The following ADARB2 variants were observed in gnomAD, a reference collection of about 807,000 sequenced individuals.
The protein encoded by ADARB2 is inactive double-stranded RNA-specific editase B2.
A neutral mutation model predicts 62.2 loss-of-function variants in ADARB2; 25 were observed. That is an observed-to-expected ratio of 0.40 (90% confidence interval 0.29 to 0.56). ADARB2 has a LOEUF of 0.56. ADARB2 is among the 20% of genes least tolerant of loss of function. ADARB2 has a pLI of 0.43. For missense variants in ADARB2, 1,071 were observed against 1,077.4 expected, an observed-to-expected ratio of 0.99 and a Z score of 0.08; for synonymous variants, 572 against 500.8, an observed-to-expected ratio of 1.14 and a Z score of -1.90.
intron 7 of ADARB2, chr10:1,216,637 G>A: frequency 2.6e-6 from 1 of 386,780 alleles, no homozygotes. Context: ...CTGGCCGGCA[G>A]CCTCAGGCCA....
intron 1 of ADARB2, among the ~76,000 whole-genome samples, chr10:1,620,620 T>G (rs974557848): frequency 2.6e-5 from 4 of 152,254 alleles, no homozygotes; most frequent in Admixed American, 2.6e-4. Flanking sequence ...TCTCCATTCA[T>G]TCAGTTGTTC....
At position 1,513,571 on chromosome 10, in the gene ADARB2, G is replaced by C. The variant is rs372341606; in HGVS notation, c.101-134411C>G. On this transcript the variant is annotated intron_variant, in intron 1 of 9. Transcript: ENST00000381312. ...CTCATGATGGAGCGCGCTGGGAAGG[G>C]CTACTCTGGGGTGGAATTATCCAGA... 7.9e-5 allele frequency among the ~76,000 whole-genome samples: 12 copies of C among 152,328 alleles called. No homozygotes were observed. The South Asian group carries it at 2.5e-3, about 32-fold the overall frequency.
intron 4 of ADARB2, among the ~76,000 whole-genome samples, chr10:1,268,280 G>A (rs1831226688): frequency 6.6e-6 from 1 of 152,172 alleles, no homozygotes; most frequent in Non-Finnish European, 1.5e-5. Flanking sequence ...GTGAGGGGTG[G>A]AGTGGGAGAA....
intron 8 of ADARB2, among the ~76,000 whole-genome samples, chr10:1,187,571 C>T (rs566118544): frequency 6.6e-6 from 1 of 152,246 alleles, no homozygotes; most frequent in East Asian, 1.9e-4. Flanking sequence ...CGGCCTGTGC[C>T]CCTCTCCTTT....
intron 1 of ADARB2, among the ~76,000 whole-genome samples, chr10:1,686,570 CATGAGTAAGGA>C (rs1235418253): frequency 6.6e-6 from 1 of 152,280 alleles, no homozygotes; most frequent in Non-Finnish European, 1.5e-5. Context: ...TCCCTCGTCA[CATGAGTAAGGA>C]AACGTACGGG....
chr10:1,232,367 TGTGTGGTGTGTGTGGTATGC>T (rs1830813484), intron 6 of ADARB2, among the ~76,000 whole-genome samples: 2 of 152,060 alleles, frequency 1.3e-5, no homozygotes, highest in South Asian at 4.2e-4. Context: ...GTGTGGTCTG[TGTGTGGTGTGTGTGGTATGC>T]GTGGTATGCA....
chr10:1,605,294 G>T (rs928372654), intron 1 of ADARB2, among the ~76,000 whole-genome samples: 5 of 152,180 alleles, frequency 3.3e-5, no homozygotes, highest in African/African-American at 1.2e-4. Context: ...AGGGTTTGCT[G>T]GTCACTGATG....
intron 1 of ADARB2, among the ~76,000 whole-genome samples, chr10:1,677,306 A>C (rs543128478): frequency 2.9e-4 from 44 of 152,354 alleles, no homozygotes; most frequent in African/African-American, 1.0e-3. Flanking sequence ...CTTCAGCAGC[A>C]GGACTTGTTT....
chr10:1,602,233 C>T lies in ADARB2; in HGVS notation c.100+134818G>A, dbSNP rs147659057. ...ACTGGCACCTGCTGAATGCACACCA[C>T]GGGTGGTCAGGCCAGTAGGGTGGAG... On this transcript the variant is annotated intron_variant, in intron 1 of 9. Coordinates refer to ENST00000381312, the MANE Select transcript of ADARB2 (RefSeq NM_018702.4). Among the ~76,000 whole-genome samples, 824 of 152,312 alleles carry T rather than the reference C, an allele frequency of 5.4e-3. 5 individuals are homozygous for T. The highest frequency in any genetic ancestry group is 0.016 in the African/African-American group (671 of 41,564).
At chr10:1,396,735 T>G (rs1231835978) in intron 1 of ADARB2, among the ~76,000 whole-genome samples, 24 of 65,906 alleles carry the variant, frequency 3.6e-4, no homozygotes, top group African/African-American at 9.9e-4. Flanking sequence ...GTCACCGTCC[T>G]CCTCTCCCCT....
intron 1 of ADARB2, among the ~76,000 whole-genome samples, chr10:1,645,047 T>C (rs747761465): frequency 2.0e-5 from 3 of 152,228 alleles, no homozygotes; most frequent in Non-Finnish European, 4.4e-5. Flanking sequence ...AAAAGGAATG[T>C]TATTTTGCAA....
intron 2 of ADARB2, among the ~76,000 whole-genome samples, chr10:1,376,393 T>C (rs1015749656): frequency 6.6e-6 from 1 of 152,224 alleles, no homozygotes; most frequent in African/African-American, 2.4e-5. Flanking sequence ...AGTTACATAA[T>C]GTTCACAGCC....
chr10:1,267,619 A>G lies in ADARB2; in HGVS notation c.1192+3336T>C, dbSNP rs1010700920. 3.9e-5 allele frequency among the ~76,000 whole-genome samples: 6 copies of G among 152,202 alleles called. No homozygotes were observed. The South Asian group carries it at 6.2e-4, about 16-fold the overall frequency. On this transcript the variant is annotated intron_variant, in intron 4 of 9. Transcript: ENST00000381312. ...CAATCTTCCTCTTTCTTTTTTTTCA[A>G]TAAGAGAAAAAAGAAGACATTCCAG...
rs145309476 is a variant in ADARB2, at chr10:1,455,363, A to G, written c.101-76203T>C. The stretch of plus-strand genomic sequence containing the variant: ...ATGATGAGCAAAATAATTAGGAAAT[A>G]CAGACTTCCTAAGTTAGGGAGCCAG... On this transcript the variant is annotated intron_variant, in intron 1 of 9. Transcript: ENST00000381312. Among the ~76,000 whole-genome samples the G allele has an allele frequency of 8.4e-3, 1,281 of 152,352 alleles. 18 individuals are homozygous for G. Among genetic ancestry groups the G allele is most frequent in the African/African-American group, 0.029 (1,212 of 41,572 alleles).
chr10:1,187,128 G>A (rs1040021794), intron 8 of ADARB2, among the ~76,000 whole-genome samples: 17 of 152,234 alleles, frequency 1.1e-4, no homozygotes, highest in Admixed American at 5.2e-4. Flanking sequence ...AGCGAATCCC[G>A]TTCATGTCAG....
chr10:1,450,706 G>A lies in ADARB2; in HGVS notation c.101-71546C>T, dbSNP rs374850720. Among the ~76,000 whole-genome samples the A allele has an allele frequency of 1.4e-4, 22 of 152,348 alleles. No homozygotes were observed. The East Asian group carries it at 2.9e-3, about 20-fold the overall frequency. On this transcript the variant is annotated intron_variant, in intron 1 of 9. Coordinates refer to ENST00000381312, the MANE Select transcript of ADARB2 (RefSeq NM_018702.4). ...AGGTCATGGCAGGGAACATGGGTGA[G>A]TGGCGAGGAAGGGAGGTGAGGGGAG...
intron 1 of ADARB2, among the ~76,000 whole-genome samples, chr10:1,504,060 A>G (rs1421485509): frequency 2.0e-5 from 3 of 152,138 alleles, no homozygotes; most frequent in African/African-American, 4.8e-5. Flanking sequence ...CTCTTTCCCA[A>G]TCCTTCACTC....
intron 1 of ADARB2, among the ~76,000 whole-genome samples, chr10:1,716,618 A>T (rs1334538606): frequency 6.6e-6 from 1 of 152,248 alleles, no homozygotes; most frequent in South Asian, 2.1e-4. Flanking sequence ...AATGTGCGTT[A>T]CCTCTAAGAA....
rs1268222810 is a variant in ADARB2, at chr10:1,415,064, C to T, written c.101-35904G>A. ...TGGATTGGGGAATGTTTGGGTGGAT[C>T]ATGGGTGGGTGGATGGATGGTGGAC... On this transcript the variant is annotated intron_variant, in intron 1 of 9. Coordinates refer to ENST00000381312, the MANE Select transcript of ADARB2 (RefSeq NM_018702.4). Among the ~76,000 whole-genome samples the T allele has an allele frequency of 4.1e-5, 6 of 146,738 alleles. No homozygotes were observed. In the East Asian group the frequency reaches 6.1e-4, roughly 15 times the overall value.
Sources: gnomAD v4.1 joint callset for allele counts (sites outside exome capture counted in the v4.1 genomes callset) on GRCh38, gnomAD v4.1.1 for gene constraint, MANE v1.5 for transcripts, NCBI Gene and HGNC (gene_info 2026-07-23, HGNC 2026-07-21) for gene names.